The following PRELID2 variants were observed in gnomAD, a reference collection of about 807,000 sequenced individuals.
PRELID2 encodes the protein PRELI domain containing 2.
A neutral mutation model predicts 28.4 loss-of-function variants in PRELID2; 25 were observed. The observed-to-expected ratio is 0.88, with a 90% confidence interval of 0.64 to 1.23. The LOEUF (loss-of-function observed/expected upper bound fraction) is 1.23, where lower values mean the gene tolerates loss of function less well. PRELID2 is among the 50% of genes most tolerant of loss of function. PRELID2 has a pLI of 0.00. For synonymous variants in PRELID2, 76 were observed against 71.6 expected, an observed-to-expected ratio of 1.06 and a Z score of -0.31; for missense variants, 201 against 214.4, an observed-to-expected ratio of 0.94 and a Z score of 0.39.
At chr5:145,584,807 A>G (rs1317889295) in intron 1 of PRELID2, among the ~76,000 whole-genome samples, 2 of 152,192 alleles carry the variant, frequency 1.3e-5, no homozygotes, top group Non-Finnish European at 2.9e-5. Flanking sequence ...AAGTTTGCAG[A>G]GAAAAGGGAA....
At chr5:145,631,492 C>T (rs1753932313) in intron 1 of PRELID2, among the ~76,000 whole-genome samples, 1 of 152,122 alleles carries the variant, frequency 6.6e-6, no homozygotes, top group African/African-American at 2.4e-5. Flanking sequence ...ATCCTACAGG[C>T]TTGTAGGGTA....
the PRELID2 span, among the ~76,000 whole-genome samples, chr5:145,280,136 G>T: frequency 6.6e-6 from 1 of 152,108 alleles, no homozygotes. Context: ...GACAGATAGG[G>T]TTCAGGGGAG....
intron 1 of PRELID2, among the ~76,000 whole-genome samples, chr5:145,742,286 AT>A (rs1050192271): frequency 7.4e-5 from 10 of 134,698 alleles, no homozygotes; most frequent in African/African-American, 1.6e-4. Flanking sequence ...TAAAATATAT[AT>A]TTTTATATAA....
chr5:145,567,350 G>GTTTT (rs1752975902), intron 1 of PRELID2, among the ~76,000 whole-genome samples: 2 of 150,036 alleles, frequency 1.3e-5, no homozygotes, highest in South Asian at 4.2e-4. Context: ...CTGATGGTTT[G>GTTTT]GTTTGGTTTG....
intron 1 of PRELID2, among the ~76,000 whole-genome samples, chr5:145,597,858 G>A (rs572731191): frequency 6.6e-6 from 1 of 152,276 alleles, no homozygotes; most frequent in South Asian, 2.1e-4. Flanking sequence ...TCAATGAATT[G>A]CATTGAGTAA....
At chr5:145,521,564 C>CACAT (rs1554075124) in intron 1 of PRELID2, among the ~76,000 whole-genome samples, 3 of 151,666 alleles carry the variant, frequency 2.0e-5, no homozygotes, top group Non-Finnish European at 4.4e-5. Flanking sequence ...CACACACACA[C>CACAT]ATATATATAT....
intron 1 of PRELID2, among the ~76,000 whole-genome samples, chr5:145,543,044 A>T (rs187435828): frequency 2.0e-5 from 3 of 152,054 alleles, no homozygotes; most frequent in Non-Finnish European, 4.4e-5. Context: ...ACTTCCATTC[A>T]TGTTAGATTT....
chr5:145,727,077 G>A (rs548816415), intron 1 of PRELID2, among the ~76,000 whole-genome samples: 1 of 152,304 alleles, frequency 6.6e-6, no homozygotes, highest in East Asian at 1.9e-4. Flanking sequence ...CTATTTATTG[G>A]TGATCAAACA....
At chr5:145,831,223 C>T (rs1755563669) in intron 1 of PRELID2, among the ~76,000 whole-genome samples, 1 of 152,192 alleles carries the variant, frequency 6.6e-6, no homozygotes, top group Non-Finnish European at 1.5e-5. Context: ...ACCATTTTCA[C>T]AGAGGAGAAA....
chr5:145,628,745 C>A (rs1377577955), intron 1 of PRELID2, among the ~76,000 whole-genome samples: 1 of 152,128 alleles, frequency 6.6e-6, no homozygotes, highest in African/African-American at 2.4e-5. Context: ...ATTAACTGAG[C>A]ATTTTATGGG....
chr5:145,536,499 T>C (rs1379904391), intron 1 of PRELID2, among the ~76,000 whole-genome samples: 1 of 151,872 alleles, frequency 6.6e-6, no homozygotes, highest in Non-Finnish European at 1.5e-5. Flanking sequence ...TGGGTAAAAG[T>C]CTGTATTTCT....
intron 1 of PRELID2, among the ~76,000 whole-genome samples, chr5:145,494,242 T>A (rs548734713): frequency 6.6e-6 from 1 of 152,296 alleles, no homozygotes; most frequent in East Asian, 1.9e-4. Context: ...TAAACTATAT[T>A]CTGTGCTATG....
At chr5:145,714,881 C>A (rs1581090381) in intron 1 of PRELID2, among the ~76,000 whole-genome samples, 1 of 152,108 alleles carries the variant, frequency 6.6e-6, no homozygotes, top group Admixed American at 6.6e-5. Flanking sequence ...TTTTTCTGGG[C>A]TCCGCTACTT....
the PRELID2 span, among the ~76,000 whole-genome samples, chr5:145,418,462 G>A: frequency 6.6e-6 from 1 of 152,126 alleles, no homozygotes; most frequent in African/African-American, 2.4e-5. Context: ...AAAACTGGAG[G>A]CATCATGTTA....
chr5:145,735,223 C>T (rs1054317734), intron 1 of PRELID2, among the ~76,000 whole-genome samples: 25 of 143,154 alleles, frequency 1.7e-4, no homozygotes, highest in Middle Eastern at 3.6e-3. Flanking sequence ...CCAGCCCGGG[C>T]GACAGTGTGA....
the PRELID2 span, chr5:145,229,332 T>G: frequency 1.1e-4 from 81 of 742,566 alleles, no homozygotes; most frequent in African/African-American, 1.2e-3. Context: ...ATTCCCATCC[T>G]GGTCACTCCC....
At chr5:145,739,829 T>TA (rs1367578579) in intron 1 of PRELID2, among the ~76,000 whole-genome samples, 1 of 151,696 alleles carries the variant, frequency 6.6e-6, no homozygotes, top group Non-Finnish European at 1.5e-5. Context: ...CTAATTTTTT[T>TA]AAAAAACTGT....
the PRELID2 span, among the ~76,000 whole-genome samples, chr5:145,316,227 T>C: frequency 6.6e-6 from 1 of 152,210 alleles, no homozygotes; most frequent in South Asian, 2.1e-4. Context: ...AAAACATTAG[T>C]AATGTAGAGT....
At chr5:145,637,905 G>C (rs950051037) in intron 1 of PRELID2, among the ~76,000 whole-genome samples, 2 of 151,538 alleles carry the variant, frequency 1.3e-5, no homozygotes, top group African/African-American at 4.9e-5. Context: ...CTGGCTCCTG[G>C]GTTCAAGCGA....
Sources: allele counts gnomAD v4.1 joint callset (sites outside exome capture counted in the v4.1 genomes callset), GRCh38; gene constraint gnomAD v4.1.1; transcripts MANE v1.5; gene names NCBI Gene and HGNC (gene_info 2026-07-23, HGNC 2026-07-21).